KANSL1L: variants seen among roughly 807,000 people sequenced by gnomAD.
The protein encoded by KANSL1L is KAT8 regulatory NSL complex subunit 1 like.
In KANSL1L, 25 loss-of-function variants were observed where a neutral mutation model predicts 108.6. The ratio of observed to expected loss-of-function variants is 0.23; its 90% CI spans 0.17 to 0.32. KANSL1L has a LOEUF of 0.32. KANSL1L is among the 10% of genes least tolerant of loss of function. The pLI is 1.00. For missense variants in KANSL1L, 1,137 were observed against 1,125.7 expected (o/e 1.01, Z -0.14); for synonymous variants, 405 against 395.1 (o/e 1.03, Z -0.30).
chr2:210,083,672 C>A (rs1269371810), intron 5 of KANSL1L, among the ~76,000 whole-genome samples: 2 of 151,242 alleles, frequency 1.3e-5, no homozygotes, highest in African/African-American at 4.9e-5. Flanking sequence ...ACTAAACATA[C>A]AAAAAAATTA....
intron 3 of KANSL1L, among the ~76,000 whole-genome samples, chr2:210,120,943 TGA>T (rs1418972897): frequency 1.3e-5 from 2 of 151,948 alleles, no homozygotes; most frequent in Non-Finnish European, 2.9e-5. Flanking sequence ...AAAACCACAA[TGA>T]GATACCATCT....
At chr2:210,161,114 A>C (rs1034624277) in intron 1 of KANSL1L, among the ~76,000 whole-genome samples, 3 of 149,976 alleles carry the variant, frequency 2.0e-5, no homozygotes, top group African/African-American at 7.4e-5. Context: ...TCAGCCTCCC[A>C]AGTAGCTGGG....
intron 1 of KANSL1L, among the ~76,000 whole-genome samples, chr2:210,155,927 A>C (rs2095330730): frequency 6.6e-6 from 1 of 152,164 alleles, no homozygotes; most frequent in South Asian, 2.1e-4. Flanking sequence ...AAAACACAAA[A>C]CCAAAAGCTG....
chr2:210,137,413 AT>A (rs972634895), intron 2 of KANSL1L, among the ~76,000 whole-genome samples: 51 of 152,328 alleles, frequency 3.3e-4, no homozygotes, highest in African/African-American at 1.2e-3. Flanking sequence ...AACAACCCAC[AT>A]TGTGGATACA....
intron 8 of KANSL1L, chr2:210,032,139 C>G (rs949041063): frequency 1.3e-5 from 2 of 152,108 alleles, no homozygotes; most frequent in African/African-American, 4.8e-5. Flanking sequence ...GTCTAACAAC[C>G]AAATTGGCTT....
At chr2:210,057,064 G>C (rs915275438) in intron 6 of KANSL1L, among the ~76,000 whole-genome samples, 2 of 152,156 alleles carry the variant, frequency 1.3e-5, no homozygotes, top group African/African-American at 4.8e-5. Context: ...GGCTGACCAA[G>C]TCACTTGCTT....
chr2:210,154,442 C>T lies in KANSL1L; in HGVS notation c.141G>A (p.Gln47=), dbSNP rs764350438. 21 of 1,613,328 alleles carry T rather than the reference C, an allele frequency of 1.3e-5. No homozygotes were observed. The highest frequency in any genetic ancestry group is 1.7e-5 in the Admixed American group (1 of 59,938). ...DEKLKGDTFS[Q]MLGFPTPEPT... is the part of the protein sequence containing the mutation. ...GTTCAGGAGTTGGAAATCCAAGCAT[C>T]TGAGAAAAGGTGTCTCCCTTTAGCT... Residue 47 remains glutamine, a synonymous_variant, in exon 2 of 15, where the codon CAG becomes CAA. Coordinates refer to ENST00000281772, the MANE Select transcript of KANSL1L (RefSeq NM_152519.4).
At position 210,101,904 on chromosome 2, in the gene KANSL1L, C is replaced by T. The variant is rs550947401; in HGVS notation, c.1428+2200G>A. Among the ~76,000 whole-genome samples, 153 of 152,252 alleles carry T rather than the reference C, an allele frequency of 1.0e-3. 4 individuals are homozygous for T. In the South Asian group the frequency reaches 0.031, roughly 31 times the overall value. On this transcript the variant is annotated intron_variant, in intron 4 of 14. Coordinates refer to ENST00000281772, the MANE Select transcript of KANSL1L (RefSeq NM_152519.4). ...CTCAGGAAAATTAGATGCAAGCAGG[C>T]ATGAATCTGTATAATTTCCCAGAGG...
At chr2:210,063,299 G>C (rs1181262772) in intron 6 of KANSL1L, among the ~76,000 whole-genome samples, 2 of 152,256 alleles carry the variant, frequency 1.3e-5, no homozygotes, top group African/African-American at 4.8e-5. Context: ...TTGCTGCAGG[G>C]GTAGAGTGCT....
chr2:210,071,094 G>T (rs2094504678), intron 6 of KANSL1L, among the ~76,000 whole-genome samples: 4 of 151,800 alleles, frequency 2.6e-5, no homozygotes, highest in South Asian at 4.2e-4. Flanking sequence ...GGAGGCGGAG[G>T]TTGCAGTGAG....
chr2:210,079,674 G>GTA (rs1208859670), intron 5 of KANSL1L: 8 of 15,858 alleles, frequency 5.0e-4, no homozygotes, highest in African/African-American at 8.9e-4. Context: ...ATGTATGTGT[G>GTA]TATATATATA....
rs549227812 is a variant in KANSL1L at position 210,167,830 on chromosome 2, CTT to C, written c.-30+3317_-30+3318del. ...ATTTAAAATTTCCATTATGAATAGTCTTTGGATTTTTATTATAGACTATCTAC... is the reference window on the plus strand; with the variant it reads ...ATTTAAAATTTCCATTATGAATAGTCTGGATTTTTATTATAGACTATCTAC... On this transcript the variant is annotated intron_variant, in intron 1 of 14. Coordinates refer to ENST00000281772, the MANE Select transcript of KANSL1L (RefSeq NM_152519.4). 4.5e-4 allele frequency among the ~76,000 whole-genome samples: 69 copies of C among 151,982 alleles called. 2 individuals carry two copies. In the South Asian group the frequency reaches 0.013, roughly 30 times the overall value.
chr2:210,127,763 C>A (rs1208504814), intron 3 of KANSL1L, among the ~76,000 whole-genome samples: 1 of 127,204 alleles, frequency 7.9e-6, no homozygotes, highest in African/African-American at 3.0e-5. Flanking sequence ...CACACTACTG[C>A]ACTCCAGCCT....
At chr2:210,093,994 C>T (rs1019899915) in intron 5 of KANSL1L, among the ~76,000 whole-genome samples, 20 of 152,066 alleles carry the variant, frequency 1.3e-4, no homozygotes, top group Non-Finnish European at 2.5e-4. Context: ...CCCACTTATA[C>T]GGTACCTAGA....
intron 13 of KANSL1L, among the ~76,000 whole-genome samples, chr2:210,024,522 C>T (rs1341656018): frequency 6.6e-6 from 1 of 152,080 alleles, no homozygotes; most frequent in East Asian, 1.9e-4. Context: ...AGACTTCACA[C>T]AATCTTGCCT....
In KANSL1L at chr2:210,044,159, A is replaced by C; in HGVS notation, c.1756-55T>G. 1.7e-6 allele frequency: 2 copies of C among 1,188,864 alleles called. No homozygotes were observed. The highest frequency in any genetic ancestry group is 5.4e-5 in the Admixed American group (2 of 36,708). 73.6% of individuals were successfully genotyped at this position (1,188,864 alleles called of 1,614,324 possible). On this transcript the variant is annotated intron_variant, in intron 6 of 14. Coordinates refer to ENST00000281772, the MANE Select transcript of KANSL1L (RefSeq NM_152519.4). This position sits in a 1 kb window ranked among gnomAD's most constrained non-coding sequence, Gnocchi z 4.2. ...CAGCCAAAGCATCCATAAATGGCAT[A>C]TCTCTACATTTATTTAGGTTATCTT... is the stretch of plus-strand genomic sequence containing the variant.
chr2:210,143,409 ATGTT>A (rs2095243861), intron 2 of KANSL1L, among the ~76,000 whole-genome samples: 1 of 152,114 alleles, frequency 6.6e-6, no homozygotes, highest in Non-Finnish European at 1.5e-5. Flanking sequence ...CTGACTATAT[ATGTT>A]TTTAAATTGG....
Position 210,044,115 on chromosome 2 carries a change from A to G in KANSL1L, c.1756-11T>C. The G allele has an allele frequency of 6.4e-7, 1 of 1,566,228 alleles. No individual in the cohort carries two copies. The highest frequency in any genetic ancestry group is 1.4e-5 in the African/African-American group (1 of 73,192). ...TTTTGAAGGCAAAGTCTGCAAGGAA[A>G]AACCGTATTAGAATATCACAGCCAA... On this transcript the variant is annotated splice_polypyrimidine_tract_variant and intron_variant, in intron 6 of 14. Coordinates refer to ENST00000281772, the MANE Select transcript of KANSL1L (RefSeq NM_152519.4). The surrounding 1 kb of genome is among the most constrained non-coding windows in gnomAD (Gnocchi z 4.2).
At chr2:210,101,252 G>T (rs1215220721) in intron 4 of KANSL1L, among the ~76,000 whole-genome samples, 6 of 152,154 alleles carry the variant, frequency 3.9e-5, no homozygotes, top group African/African-American at 1.4e-4. Context: ...GGCTATGCTT[G>T]CTTAGTGCTC....
Sources: allele counts gnomAD v4.1 joint callset (sites outside exome capture counted in the v4.1 genomes callset), GRCh38; gene constraint gnomAD v4.1.1; non-coding constraint Gnocchi (gnomAD v3.1); transcripts MANE v1.5; gene names NCBI Gene and HGNC (gene_info 2026-07-23, HGNC 2026-07-21).